The following AUTS2 variants were observed in gnomAD, a reference collection of about 807,000 sequenced individuals.
AUTS2 encodes autism susceptibility gene 2 protein.
In AUTS2, 17 loss-of-function variants were observed where a neutral mutation model predicts 112.4. The observed-to-expected ratio is 0.15, with a 90% confidence interval of 0.10 to 0.23. AUTS2 has a LOEUF of 0.23. Among genes scored for constraint, AUTS2 ranks in the 10% least tolerant of loss-of-function variants. The probability of loss-of-function intolerance (pLI) is 1.00; values close to 1 mark genes in which losing one functional copy is unlikely to be tolerated. For synonymous variants in AUTS2, 751 were observed against 702.7 expected (o/e 1.07, Z -1.09); for missense variants, 1,510 against 1,701.6 (o/e 0.89, Z 1.98).
chr7:69,796,886 T>A (rs145433716), intron 1 of AUTS2, among the ~76,000 whole-genome samples: 2,215 of 152,326 alleles, frequency 0.015, 28 homozygotes, highest in Middle Eastern at 0.037. Context: ...TGATTTGTGC[T>A]ATTTGCCCTG....
At chr7:70,209,081 T>A (rs1455870053) in intron 4 of AUTS2, among the ~76,000 whole-genome samples, 1 of 152,112 alleles carries the variant, frequency 6.6e-6, no homozygotes, top group East Asian at 1.9e-4. Flanking sequence ...AGAAACTAGA[T>A]CACCTTGCAT....
intron 4 of AUTS2, among the ~76,000 whole-genome samples, chr7:70,158,114 G>A (rs1486198561): frequency 6.6e-6 from 1 of 152,156 alleles, no homozygotes; most frequent in Non-Finnish European, 1.5e-5. Context: ...GTTATTTGGA[G>A]GACCTGGAGA....
At chr7:69,820,076 G>T (rs1310205373) in intron 1 of AUTS2, among the ~76,000 whole-genome samples, 3 of 152,108 alleles carry the variant, frequency 2.0e-5, no homozygotes, top group Non-Finnish European at 4.4e-5. Flanking sequence ...GCTTCCCTCT[G>T]CCCTTCTTCA....
chr7:70,056,062 A>G (rs1801979543), intron 2 of AUTS2, among the ~76,000 whole-genome samples: 2 of 151,822 alleles, frequency 1.3e-5, no homozygotes, highest in South Asian at 4.2e-4. Context: ...ATCTTGGCTC[A>G]CTGCAACCTC....
chr7:69,637,550 T>C (rs1303275858), intron 1 of AUTS2, among the ~76,000 whole-genome samples: 2 of 152,232 alleles, frequency 1.3e-5, no homozygotes, highest in Admixed American at 6.5e-5. Context: ...ATATGTGTTA[T>C]TTAGTTTTGA....
intron 3 of AUTS2, among the ~76,000 whole-genome samples, chr7:70,123,657 A>G (rs1805807488): frequency 6.6e-6 from 1 of 152,218 alleles, no homozygotes; most frequent in East Asian, 1.9e-4. Context: ...AGCACTATCT[A>G]TGTTCCTGCA....
At chr7:70,515,099 A>G (rs1036822769) in intron 5 of AUTS2, among the ~76,000 whole-genome samples, 4 of 152,172 alleles carry the variant, frequency 2.6e-5, no homozygotes, top group Admixed American at 6.5e-5. Context: ...AGATATAACC[A>G]AATAGGTTGG....
At chr7:70,781,565 T>C (rs1791082509) in intron 14 of AUTS2, 50 bp from the exon 15 acceptor site, 5 of 1,604,698 alleles carry the variant, frequency 3.1e-6, no homozygotes, top group Admixed American at 1.7e-5. Flanking sequence ...CTAACACCTT[T>C]ATTCCTTGCT....
chr7:70,627,245 G>C (rs1440011205), intron 5 of AUTS2, among the ~76,000 whole-genome samples: 1 of 152,138 alleles, frequency 6.6e-6, no homozygotes, highest in African/African-American at 2.4e-5. Context: ...ATTTTGATTT[G>C]AATTTCTCTG....
chr7:70,084,780 A>T lies in AUTS2; in HGVS notation c.523-33352A>T, dbSNP rs538128593. ...TGTATACAAGACCTTTATCGGATATATGGTATACAAATATTTGCTTCCAGT... is the reference window on the plus strand; with the variant it reads ...TGTATACAAGACCTTTATCGGATATTTGGTATACAAATATTTGCTTCCAGT... On this transcript the variant is annotated intron_variant, in intron 2 of 18. Coordinates refer to ENST00000342771, the MANE Select transcript of AUTS2 (RefSeq NM_015570.4). Among the ~76,000 whole-genome samples, 3 of 152,266 alleles carry T rather than the reference A, an allele frequency of 2.0e-5. 1 individual carries two copies. In the South Asian group the frequency reaches 6.2e-4, roughly 32 times the overall value.
At chr7:69,940,028 T>C (rs547013599) in intron 2 of AUTS2, among the ~76,000 whole-genome samples, 2 of 152,206 alleles carry the variant, frequency 1.3e-5, no homozygotes, top group Non-Finnish European at 2.9e-5. Context: ...TATTCTAAAC[T>C]CTTTTCATCC....
At chr7:70,085,532 AT>A (rs1404733786) in intron 2 of AUTS2, among the ~76,000 whole-genome samples, 1 of 151,844 alleles carries the variant, frequency 6.6e-6, no homozygotes, top group African/African-American at 2.4e-5. Context: ...CACCCAGCTA[AT>A]TTTTGTATTT....
At chr7:70,217,898 C>T (rs1811256995) in intron 4 of AUTS2, among the ~76,000 whole-genome samples, 1 of 152,210 alleles carries the variant, frequency 6.6e-6, no homozygotes, top group South Asian at 2.1e-4. Context: ...TGTATTAAAT[C>T]ACTTCCTACA....
intron 4 of AUTS2, among the ~76,000 whole-genome samples, chr7:70,231,656 G>C (rs913323111): frequency 3.9e-5 from 6 of 152,046 alleles, no homozygotes; most frequent in African/African-American, 9.7e-5. Flanking sequence ...TGTTAGCCAG[G>C]ATGATCTCAA....
chr7:70,034,945 C>T (rs1800936145), intron 2 of AUTS2, among the ~76,000 whole-genome samples: 1 of 152,162 alleles, frequency 6.6e-6, no homozygotes, highest in Non-Finnish European at 1.5e-5. Context: ...GATCCTCTCA[C>T]CTTAGCTTTC....
chr7:70,496,169 TCACA>T (rs774769759), intron 5 of AUTS2, among the ~76,000 whole-genome samples: 39 of 40,008 alleles, frequency 9.7e-4, no homozygotes, highest in East Asian at 1.7e-3. Context: ...ACGTACACAG[TCACA>T]CACACACACA....
chr7:70,167,221 C>T (rs1584818878), intron 4 of AUTS2, among the ~76,000 whole-genome samples: 1 of 152,030 alleles, frequency 6.6e-6, no homozygotes, highest in Non-Finnish European at 1.5e-5. Context: ...GGGAGACTCT[C>T]AACAAAAACA....
intron 5 of AUTS2, among the ~76,000 whole-genome samples, chr7:70,593,795 T>C (rs375394922): frequency 2.0e-5 from 3 of 152,148 alleles, no homozygotes; most frequent in African/African-American, 7.2e-5. Context: ...CTTGCTCCCC[T>C]CAAACTGTTG....
chr7:69,974,062 C>T (rs1338976376), intron 2 of AUTS2, among the ~76,000 whole-genome samples: 3 of 151,716 alleles, frequency 2.0e-5, no homozygotes, highest in Non-Finnish European at 4.4e-5. Flanking sequence ...CTGGAAACGT[C>T]TTTTTTAGAT....
Sources: gnomAD v4.1 joint callset for allele counts (sites outside exome capture counted in the v4.1 genomes callset) on GRCh38, gnomAD v4.1.1 for gene constraint, MANE v1.5 for transcripts, NCBI Gene and HGNC (gene_info 2026-07-23, HGNC 2026-07-21) for gene names.